The following CDC42EP4 variants were observed in gnomAD, a reference collection of about 807,000 sequenced individuals.
The protein encoded by CDC42EP4 is CDC42 effector protein (Rho GTPase binding) 4.
In CDC42EP4, 6 loss-of-function variants were observed where a neutral mutation model predicts 5.6. The ratio of observed to expected loss-of-function variants is 1.07; its 90% CI spans 0.59 to 2.12. The LOEUF is 2.12. Ranked by LOEUF, CDC42EP4 falls within the 30% of genes most tolerant of loss-of-function variation. The probability of loss-of-function intolerance (pLI) is 0.00; values close to 1 mark genes in which losing one functional copy is unlikely to be tolerated. For synonymous variants in CDC42EP4, 230 were observed against 224.2 expected, an observed-to-expected ratio of 1.03 and a Z score of -0.23; for missense variants, 490 against 508.6, an observed-to-expected ratio of 0.96 and a Z score of 0.35.
Position 73,285,089 on chromosome 17 carries a change from G to A in CDC42EP4, c.*341C>T, listed in dbSNP as rs542632086. 38 of 184,590 alleles carry A rather than the reference G, an allele frequency of 2.1e-4. 1 individual carries two copies. The South Asian group carries it at 6.1e-3, about 29-fold the overall frequency. The allele number at this position is 184,590 out of a possible 1,614,324, so 11.4% of individuals were successfully genotyped here. A position where few individuals can be genotyped will look rare whatever the true frequency, so the allele number is the denominator to read the frequency against. Reference sequence around the variant, plus strand: ...CTGACCCGCTGGCTGTACGTGGCCAGAACTGGGGTTGGCATCTGGCATCCA... The same window carrying A: ...CTGACCCGCTGGCTGTACGTGGCCAAAACTGGGGTTGGCATCTGGCATCCA... On this transcript the variant is annotated 3_prime_UTR_variant, in exon 2 of 2. Transcript: ENST00000335793. This position sits in a 1 kb window ranked among gnomAD's most constrained non-coding sequence, Gnocchi z 6.8.
At chr17:73,297,654 T>G (rs1010492074) in intron 1 of CDC42EP4, among the ~76,000 whole-genome samples, 11 of 151,508 alleles carry the variant, frequency 7.3e-5, no homozygotes, top group African/African-American at 2.7e-4. Flanking sequence ...TCTTTTTGTT[T>G]ATTTATTTAT....
At chr17:73,311,645 T>G (rs934315690) in intron 1 of CDC42EP4, 2 of 152,164 alleles carry the variant, frequency 1.3e-5, no homozygotes, top group African/African-American at 4.8e-5. Context: ...TGCCACCTCC[T>G]CCTCCACACA....
At chr17:73,304,526 T>G (rs979388085) in intron 1 of CDC42EP4, among the ~76,000 whole-genome samples, 6 of 151,816 alleles carry the variant, frequency 4.0e-5, no homozygotes, top group African/African-American at 1.5e-4. Flanking sequence ...AGCTCACAGA[T>G]AAGAGCACCG....
At chr17:73,303,243 T>A (rs1168928236) in intron 1 of CDC42EP4, among the ~76,000 whole-genome samples, 1 of 151,528 alleles carries the variant, frequency 6.6e-6, no homozygotes, top group Non-Finnish European at 1.5e-5. Flanking sequence ...CTCGGAAGGC[T>A]GAGGCAGGAG....
At chr17:73,297,865 A>C (rs1422865707) in intron 1 of CDC42EP4, among the ~76,000 whole-genome samples, 1 of 151,542 alleles carries the variant, frequency 6.6e-6, no homozygotes, top group East Asian at 2.0e-4. Context: ...CCCCATGTTG[A>C]CCAGGCTGGT....
intron 1 of CDC42EP4, chr17:73,307,454 T>G (rs1224130186): frequency 6.6e-6 from 1 of 150,662 alleles, no homozygotes; most frequent in East Asian, 1.9e-4. Flanking sequence ...TTTCTTTTTT[T>G]TTTTTTTTTT....
intron 1 of CDC42EP4, among the ~76,000 whole-genome samples, chr17:73,292,878 C>G (rs1489175699): frequency 1.3e-5 from 2 of 152,164 alleles, no homozygotes; most frequent in Admixed American, 1.3e-4. Flanking sequence ...CCATCATGCC[C>G]AGTTAATTTT....
intron 1 of CDC42EP4, among the ~76,000 whole-genome samples, chr17:73,294,721 G>T (rs945987286): frequency 6.6e-6 from 1 of 152,126 alleles, no homozygotes; most frequent in African/African-American, 2.4e-5. Context: ...CCACGCATTA[G>T]TAAGTTTTAG....
chr17:73,301,084 C>A (rs188966806), intron 1 of CDC42EP4, among the ~76,000 whole-genome samples: 14 of 151,576 alleles, frequency 9.2e-5, no homozygotes, highest in Non-Finnish European at 2.1e-4. Flanking sequence ...TCTGGCAAGT[C>A]CAAATGGATA....
intron 1 of CDC42EP4, among the ~76,000 whole-genome samples, chr17:73,288,176 C>A (rs535115075): frequency 2.5e-4 from 38 of 152,288 alleles, no homozygotes; most frequent in African/African-American, 7.9e-4. Context: ...GATGTCCCCT[C>A]TTCCAGCAGA....
At position 73,285,896 on chromosome 17, in the gene CDC42EP4, T is replaced by C; in HGVS notation, c.605A>G (p.His202Arg). The change falls in exon 2 of 2, where the codon CAT becomes CGT. Residue 202 changes from histidine (H) to arginine (R), a missense_variant. Physicochemically the swap from His to Arg is conservative, Grantham distance 29. Transcript: ENST00000335793. This position sits in a 1 kb window ranked among gnomAD's most constrained non-coding sequence, Gnocchi z 6.8. Reference protein sequence around the residue: ...VVPKATYGLKHAESIMSFHID... With the variant: ...VVPKATYGLKRAESIMSFHID... ...GTGGAAGGACATGATGGACTCCGCA[T>C]GCTTCAGCCCGTACGTGGCCTTGGG... The C allele has an allele frequency of 6.2e-7, 1 of 1,614,034 alleles. No individual in the cohort carries two copies. The highest frequency in any genetic ancestry group is 8.5e-7 in the Non-Finnish European group (1 of 1,180,028).
At chr17:73,310,789 ACACACG>A (rs1166713592) in intron 1 of CDC42EP4, 14 of 121,070 alleles carry the variant, frequency 1.2e-4, no homozygotes, top group African/African-American at 3.3e-4. Context: ...ACACACACAC[ACACACG>A]CACTTCAGTC....
Position 73,286,790 on chromosome 17 carries a change from G to A in CDC42EP4, c.-112-178C>T. On this transcript the variant is annotated intron_variant, in intron 1 of 1. Coordinates refer to ENST00000335793, the MANE Select transcript of CDC42EP4 (RefSeq NM_012121.5). The surrounding 1 kb of genome is among the most constrained non-coding windows in gnomAD (Gnocchi z 7.7). ...GTTTCTTCATCCGCAGGCATTCAGA[G>A]TAGAGGAGTGATTTTGCAAATCTGG... 2.7e-6 allele frequency: 1 copy of A among 367,282 alleles called. No homozygotes were observed. The highest frequency in any genetic ancestry group is 4.9e-6 in the Non-Finnish European group (1 of 202,822). The allele number at this position is 367,282 out of a possible 1,614,324, so 22.8% of individuals were successfully genotyped here.
Position 73,285,135 on chromosome 17 carries a change from A to T in CDC42EP4, c.*295T>A, listed in dbSNP as rs1324665316. 4.2e-6 allele frequency: 1 copy of T among 237,528 alleles called. No homozygotes were observed. Among genetic ancestry groups the T allele is most frequent in the African/African-American group, 2.2e-5 (1 of 44,606 alleles). 14.7% of individuals were successfully genotyped at this position (237,528 alleles called of 1,614,324 possible). On this transcript the variant is annotated 3_prime_UTR_variant, in exon 2 of 2. Coordinates refer to ENST00000335793, the MANE Select transcript of CDC42EP4 (RefSeq NM_012121.5). The surrounding 1 kb of genome is among the most constrained non-coding windows in gnomAD (Gnocchi z 6.8). ...ATCCATTTGAGGCCAGGGTGGAGGA[A>T]AGGGAGGCCAACAGAGGAAAACCTA...
chr17:73,288,634 G>C (rs1490068249), intron 1 of CDC42EP4, among the ~76,000 whole-genome samples: 1 of 151,534 alleles, frequency 6.6e-6, no homozygotes. Flanking sequence ...CACATGGTCC[G>C]CCTCCAACCG....
chr17:73,299,152 A>G (rs9900639), intron 1 of CDC42EP4, among the ~76,000 whole-genome samples: 18,725 of 152,032 alleles, frequency 0.12, 1,511 homozygotes, highest in African/African-American at 0.23. Flanking sequence ...GGCTGGGTGC[A>G]GTGGCTCACG....
chr17:73,307,534 G>A (rs540689054), intron 1 of CDC42EP4, among the ~76,000 whole-genome samples: 24 of 145,482 alleles, frequency 1.6e-4, no homozygotes, highest in Admixed American at 1.4e-3. Flanking sequence ...TGCAAGCTCC[G>A]CCTCCCGGGT....
At chr17:73,292,782 A>G (rs1464277623) in intron 1 of CDC42EP4, among the ~76,000 whole-genome samples, 1 of 152,242 alleles carries the variant, frequency 6.6e-6, no homozygotes. Context: ...AAATCCATGC[A>G]GCCAGGGCCC....
At position 73,286,168 on chromosome 17, in the gene CDC42EP4, C is replaced by T. The variant is rs1184538421; in HGVS notation, c.333G>A (p.Leu111=). 2 of 1,614,010 alleles carry T rather than the reference C, an allele frequency of 1.2e-6. No homozygotes were observed. Among genetic ancestry groups the T allele is most frequent in the Admixed American group, 1.7e-5 (1 of 60,004 alleles). Residue 111 remains leucine, a synonymous_variant, in exon 2 of 2, where the codon CTG becomes CTA. Coordinates refer to ENST00000335793, the MANE Select transcript of CDC42EP4 (RefSeq NM_012121.5). This position sits in a 1 kb window ranked among gnomAD's most constrained non-coding sequence, Gnocchi z 7.7. The part of the protein sequence containing the change: ...DMLGSLRDSA[L]FVKNAMSLPQ... Reference sequence around the variant, plus strand: ...GCAGGGACATGGCATTCTTGACAAACAGGGCCGAGTCCCGCAGGGAGCCCA... The same window carrying T: ...GCAGGGACATGGCATTCTTGACAAATAGGGCCGAGTCCCGCAGGGAGCCCA...
Sources: allele counts gnomAD v4.1 joint callset (sites outside exome capture counted in the v4.1 genomes callset), GRCh38; gene constraint gnomAD v4.1.1; non-coding constraint Gnocchi (gnomAD v3.1); transcripts MANE v1.5; gene names NCBI Gene and HGNC (gene_info 2026-07-23, HGNC 2026-07-21).